Variants in TMEM14B observed in about 807,000 individuals in gnomAD.
TMEM14B encodes transmembrane protein 14B.
A neutral mutation model predicts 14.8 loss-of-function variants in TMEM14B; 9 were observed. The observed-to-expected ratio is 0.61, with a 90% CI of 0.37 to 1.06. The LOEUF is 1.06. TMEM14B is among the 50% of genes least tolerant of loss of function. The pLI, the probability that TMEM14B is intolerant of heterozygous loss-of-function variation, is 0.01. For synonymous variants in TMEM14B, 40 were observed against 51.3 expected, an observed-to-expected ratio of 0.78 and a Z score of 0.94; for missense variants, 128 against 143.6, an observed-to-expected ratio of 0.89 and a Z score of 0.56.
Position 10,755,726 on chromosome 6 carries a change from G to A in TMEM14B, c.293+494G>A, listed in dbSNP as rs562588437. The stretch of plus-strand genomic sequence containing the variant: ...TCCAAGCACAGTGGGAGGCCATGGC[G>A]GGCATATCACTTGAGGTCAGGAGTT... On this transcript the variant is annotated intron_variant, in intron 5 of 5. Transcript: ENST00000379542. 2.3e-5 allele frequency: 22 copies of A among 959,782 alleles called. 1 individual carries two copies. The East Asian group carries it at 1.8e-3, about 80-fold the overall frequency. The allele number at this position is 959,782 out of a possible 1,614,324, so 59.5% of individuals were successfully genotyped here.
chr6:10,759,094 A>G (rs747346663), downstream of TMEM14B: 20 of 164,828 alleles, frequency 1.2e-4, no homozygotes, highest in Non-Finnish European at 1.9e-4. Context: ...AATTTTTTGT[A>G]TTTTTAGTAG....
Position 10,756,980 on chromosome 6 carries a change from T to C in TMEM14B, c.*462T>C. 3.1e-6 allele frequency: 3 copies of C among 983,448 alleles called. No individual in the cohort carries two copies. The highest frequency in any genetic ancestry group is 4.7e-5 in the South Asian group (1 of 21,256). The allele number at this position is 983,448 out of a possible 1,614,324, so 60.9% of individuals were successfully genotyped here. Reference sequence around the variant, plus strand: ...TGAAAATAAAGTTTACTATAAATAATATTTCCTATGGTGTCTTCATTGCCA... The same window carrying C: ...TGAAAATAAAGTTTACTATAAATAACATTTCCTATGGTGTCTTCATTGCCA... On this transcript the variant is annotated 3_prime_UTR_variant, in exon 6 of 6. Coordinates refer to ENST00000379542, the MANE Select transcript of TMEM14B (RefSeq NM_030969.5).
In TMEM14B at chr6:10,751,265, A is replaced by G. The variant is rs556847009; in HGVS notation, c.202+31A>G. ...TCTGCTTCAGCGTCTCCTTAGGGCA[A>G]TCATGTATCTGGAATATTCTTTTCC... is the stretch of plus-strand genomic sequence containing the variant. On this transcript the variant is annotated intron_variant, in intron 4 of 5. Coordinates refer to ENST00000379542, the MANE Select transcript of TMEM14B (RefSeq NM_030969.5). The G allele has an allele frequency of 3.1e-4, 501 of 1,609,654 alleles. 6 individuals carry two copies. In the South Asian group the frequency reaches 5.1e-3, roughly 17 times the overall value.
At chr6:10,749,122 C>T (rs1047504004) in intron 1 of TMEM14B, 80 bp from the exon 2 acceptor site, 2 of 876,172 alleles carry the variant, frequency 2.3e-6, no homozygotes, top group Admixed American at 1.9e-5. Flanking sequence ...GGTTGCATAG[C>T]CTGCAGGTTG....
At chr6:10,758,536 C>CA (rs1372530505), downstream of TMEM14B, among the ~76,000 whole-genome samples, 1 of 152,176 alleles carries the variant, frequency 6.6e-6, no homozygotes, top group Non-Finnish European at 1.5e-5. Flanking sequence ...TGTGCTGGGT[C>CA]CTAGCAGTGC....
chr6:10,754,574 C>A (rs1457151503), intron 4 of TMEM14B, among the ~76,000 whole-genome samples: 1 of 152,148 alleles, frequency 6.6e-6, no homozygotes, highest in Non-Finnish European at 1.5e-5. Context: ...TAGGTTGATC[C>A]CCCTGTTGAG....
rs373186374 is a variant in TMEM14B at position 10,756,546 on chromosome 6, T to G, written c.*28T>G. 1.9e-5 allele frequency: 30 copies of G among 1,606,716 alleles called. No homozygotes were observed. Among genetic ancestry groups the G allele is most frequent in the Middle Eastern group, 3.3e-4 (2 of 6,042 alleles). On this transcript the variant is annotated 3_prime_UTR_variant, in exon 6 of 6. Transcript: ENST00000379542. The stretch of plus-strand genomic sequence containing the variant: ...GAAGTCATGTTCCAGCTTGGACTCA[T>G]GAAGGATTAAAAATCTGCATCTTCC...
rs1322195602 is a variant in TMEM14B at position 10,753,870 on chromosome 6, CCCTCTT to C, written c.203-1271_203-1266del. ...AGCCATCGTCCTAGTCCCAGTTATCCCCTCTTTCTTACCTGCATTCCCAAGGACGTT... is the reference window on the plus strand; with the variant it reads ...AGCCATCGTCCTAGTCCCAGTTATCCTCTTACCTGCATTCCCAAGGACGTT... On this transcript the variant is annotated intron_variant, in intron 4 of 5. Transcript: ENST00000379542. 2.8e-3 allele frequency among the ~76,000 whole-genome samples: 429 copies of C among 151,994 alleles called. 3 individuals are homozygous for C. Among genetic ancestry groups the C allele is most frequent in the African/African-American group, 9.5e-3 (392 of 41,286 alleles).
At chr6:10,751,539 A>G (rs1311959886) in intron 4 of TMEM14B, among the ~76,000 whole-genome samples, 1 of 152,076 alleles carries the variant, frequency 6.6e-6, no homozygotes, top group Non-Finnish European at 1.5e-5. Context: ...TAGAATTAGT[A>G]TCAAACTTGT....
chr6:10,755,064 T>C (rs1302542696), intron 4 of TMEM14B, 78 bp from the exon 5 acceptor site: 3 of 1,458,916 alleles, frequency 2.1e-6, no homozygotes, highest in African/African-American at 1.4e-5. Flanking sequence ...CCTTGAGAGA[T>C]TGGTGGGGCT....
chr6:10,748,210 C>A (rs1378121731), intron 1 of TMEM14B, among the ~76,000 whole-genome samples: 2 of 152,084 alleles, frequency 1.3e-5, no homozygotes, highest in African/African-American at 4.8e-5. Context: ...GATCCCAAGC[C>A]CGCTGCCCTT....
rs772065539 is a variant in TMEM14B at position 10,755,149 on chromosome 6, A to G, written c.210A>G (p.Thr70=). The change falls in exon 5 of 6, where the codon ACA becomes ACG. Residue 70 remains threonine, a synonymous_variant. Transcript: ENST00000379542. ...PRNVWGFLAA[T]SVTFVGVMGM... Reference sequence around the variant, plus strand: ...TCTTTGTATCTTTTTCAGCCGCTACATCTGTTACTTTTGTTGGTGTTATGG... The same window carrying G: ...TCTTTGTATCTTTTTCAGCCGCTACGTCTGTTACTTTTGTTGGTGTTATGG... The G allele has an allele frequency of 1.6e-5, 26 of 1,613,692 alleles. No homozygotes were observed. Among genetic ancestry groups the G allele is most frequent in the East Asian group, 2.2e-5 (1 of 44,904 alleles).
chr6:10,758,982 G>A (rs149483271), downstream of TMEM14B: 986 of 171,412 alleles, frequency 5.8e-3, 20 homozygotes, highest in African/African-American at 0.025. Flanking sequence ...GCAATGGTGC[G>A]ATCTCAGCTC....
At chr6:10,757,547 G>A (rs1051775692), downstream of TMEM14B, among the ~76,000 whole-genome samples, 4 of 152,118 alleles carry the variant, frequency 2.6e-5, no homozygotes, top group Non-Finnish European at 5.9e-5. Context: ...GAAACTAGAA[G>A]ACCCATCTAG....
At chr6:10,756,381 G>T in intron 5 of TMEM14B, 86 bp from the exon 6 acceptor site, 1 of 1,503,896 alleles carries the variant, frequency 6.6e-7, no homozygotes, top group Non-Finnish European at 9.1e-7. Flanking sequence ...ACAGTTGTGA[G>T]GAACCTGCAG....
At chr6:10,759,111 G>A (rs541024483), downstream of TMEM14B, 24 of 163,240 alleles carry the variant, frequency 1.5e-4, no homozygotes, top group South Asian at 2.7e-3. Flanking sequence ...GTAGAGATGG[G>A]GTTTCACCAT....
chr6:10,751,223 G>C lies in TMEM14B; in HGVS notation c.191G>C (p.Trp64Ser), dbSNP rs370938546. Residue 64 changes from tryptophan (W) to serine (S), a missense_variant, in exon 4 of 6, where the codon TGG becomes TCG. Physicochemically the swap from Trp to Ser is radical, Grantham distance 177. Coordinates refer to ENST00000379542, the MANE Select transcript of TMEM14B (RefSeq NM_030969.5). ...CTGTATCAGGATCCAAGGAACGTTT[G>C]GGGTTTCCTAGGTATGTCTGCTTCA... ...YQLYQDPRNV[W>S]GFLAATSVTF... 389 of 1,613,594 alleles carry C rather than the reference G, an allele frequency of 2.4e-4. No homozygotes were observed. Among genetic ancestry groups the C allele is most frequent in the Non-Finnish European group, 2.9e-4 (342 of 1,179,910 alleles).
At chr6:10,755,042 A>G (rs1771750962) in intron 4 of TMEM14B, 100 bp from the exon 5 acceptor site, 2 of 1,254,930 alleles carry the variant, frequency 1.6e-6, no homozygotes, top group Admixed American at 2.1e-5. Context: ...TAAGCATAGG[A>G]TGAGGCGTGA....
chr6:10,749,296 T>C, intron 2 of TMEM14B, 28 bp downstream of exon 2: 1 of 1,613,550 alleles, frequency 6.2e-7, no homozygotes, highest in Middle Eastern at 1.7e-4. Flanking sequence ...GGTTAGAGAG[T>C]AGCCAGGAGC....
Sources: gnomAD v4.1 joint callset for allele counts (sites outside exome capture counted in the v4.1 genomes callset) on GRCh38, gnomAD v4.1.1 for gene constraint, MANE v1.5 for transcripts, NCBI Gene and HGNC (gene_info 2026-07-23, HGNC 2026-07-21) for gene names.